CDH12: variants seen among roughly 807,000 people sequenced by gnomAD.
The protein encoded by CDH12 is cadherin 12, also known as cadherin-12.
CDH12 carries 41 observed loss-of-function variants against 74.1 expected under a neutral mutation model. That is an observed-to-expected ratio of 0.55 (90% CI 0.43 to 0.72). CDH12 has a LOEUF of 0.72. CDH12 is among the 30% of genes least tolerant of loss of function. CDH12 has a pLI of 0.00. For missense variants in CDH12, 945 were observed against 977.2 expected, an observed-to-expected ratio of 0.97 and a Z score of 0.44; for synonymous variants, 399 against 355.0, an observed-to-expected ratio of 1.12 and a Z score of -1.39.
chr5:22,152,907 T>C (rs1354058306), intron 4 of CDH12, among the ~76,000 whole-genome samples: 1 of 152,192 alleles, frequency 6.6e-6, no homozygotes, highest in Non-Finnish European at 1.5e-5. Context: ...CGTAACGTCC[T>C]CTAGGTTCAT....
chr5:22,453,971 A>C (rs1486314567), intron 2 of CDH12, among the ~76,000 whole-genome samples: 2 of 152,192 alleles, frequency 1.3e-5, no homozygotes, highest in Admixed American at 1.3e-4. Context: ...TAACCAAAAC[A>C]TGGAAGATAT....
chr5:21,983,383 A>C (rs950041621), intron 5 of CDH12, among the ~76,000 whole-genome samples: 2 of 152,074 alleles, frequency 1.3e-5, no homozygotes, highest in Non-Finnish European at 2.9e-5. Flanking sequence ...TTGTTGGTAA[A>C]GAGCCTCTTT....
intron 4 of CDH12, among the ~76,000 whole-genome samples, chr5:22,132,750 G>A (rs1445870007): frequency 6.6e-6 from 1 of 152,054 alleles, no homozygotes; most frequent in Admixed American, 6.6e-5. Flanking sequence ...CAAAAAGAGA[G>A]ACCACTGAAG....
chr5:22,016,066 G>T (rs1375828187), intron 5 of CDH12, among the ~76,000 whole-genome samples: 1 of 151,958 alleles, frequency 6.6e-6, no homozygotes, highest in African/African-American at 2.4e-5. Context: ...ATTAAGATAT[G>T]GCTATTGGCT....
chr5:22,725,940 C>T (rs942502385), intron 1 of CDH12, among the ~76,000 whole-genome samples: 3 of 151,548 alleles, frequency 2.0e-5, no homozygotes, highest in Non-Finnish European at 4.4e-5. Context: ...TTTCAAGCAG[C>T]TTTAGTTTTA....
chr5:22,294,133 A>G (rs1737523540), intron 3 of CDH12, among the ~76,000 whole-genome samples: 2 of 152,192 alleles, frequency 1.3e-5, no homozygotes, highest in Non-Finnish European at 2.9e-5. Context: ...AAACTAAAAA[A>G]TTAAATTGAA....
At chr5:22,111,712 G>C (rs987865824) in intron 4 of CDH12, among the ~76,000 whole-genome samples, 6 of 152,158 alleles carry the variant, frequency 3.9e-5, no homozygotes, top group African/African-American at 1.4e-4. Flanking sequence ...TTATGTGGAA[G>C]AGACACTTTC....
intron 3 of CDH12, among the ~76,000 whole-genome samples, chr5:22,326,829 A>G (rs1039757608): frequency 6.6e-6 from 1 of 152,196 alleles, no homozygotes; most frequent in African/African-American, 2.4e-5. Flanking sequence ...CAAAATATCC[A>G]AAAGGCAGTG....
At chr5:22,019,835 T>C (rs1489683187) in intron 5 of CDH12, among the ~76,000 whole-genome samples, 2 of 152,126 alleles carry the variant, frequency 1.3e-5, no homozygotes, top group African/African-American at 4.8e-5. Context: ...AGCTCACTGA[T>C]GAGAGGAATT....
At chr5:22,289,622 C>T (rs1310089948) in intron 3 of CDH12, among the ~76,000 whole-genome samples, 1 of 152,066 alleles carries the variant, frequency 6.6e-6, no homozygotes, top group Non-Finnish European at 1.5e-5. Flanking sequence ...AGTGGGAGAT[C>T]ACAGTACCTG....
chr5:22,803,621 C>T (rs181941574), intron 1 of CDH12, among the ~76,000 whole-genome samples: 160 of 152,248 alleles, frequency 1.1e-3, no homozygotes, highest in African/African-American at 3.6e-3. Context: ...GATGTTCTCT[C>T]GTTTAGCATC....
In CDH12 at chr5:22,622,415, A is replaced by C. The variant is rs566881446; in HGVS notation, c.-522-117051T>G. 2.0e-5 allele frequency among the ~76,000 whole-genome samples: 3 copies of C among 152,268 alleles called. No homozygotes were observed. The South Asian group carries it at 6.2e-4, about 32-fold the overall frequency. On this transcript the variant is annotated intron_variant, in intron 1 of 14. Coordinates refer to ENST00000382254, the MANE Select transcript of CDH12 (RefSeq NM_004061.5). ...GGAAGCTGGGAACCCTGCACAGGGC[A>C]GCAAAACACTGGGACCTGCTCCTGA... is the stretch of plus-strand genomic sequence containing the variant.
chr5:22,143,943 T>A (rs1243048352), intron 4 of CDH12: 1 of 152,134 alleles, frequency 6.6e-6, no homozygotes, highest in Non-Finnish European at 1.5e-5. Flanking sequence ...CAAGTCATAC[T>A]GCCACTTAAA....
chr5:21,773,590 C>G (rs1005617942), intron 11 of CDH12, among the ~76,000 whole-genome samples: 1 of 152,126 alleles, frequency 6.6e-6, no homozygotes, highest in Non-Finnish European at 1.5e-5. Flanking sequence ...TATTGCCTTC[C>G]CTATTTTTGA....
intron 1 of CDH12, among the ~76,000 whole-genome samples, chr5:22,801,641 A>T (rs1748521627): frequency 1.6e-4 from 1 of 6,282 alleles, no homozygotes; most frequent in Non-Finnish European, 3.2e-4. Flanking sequence ...CTTATCATAT[A>T]TATATATATA....
intron 1 of CDH12, among the ~76,000 whole-genome samples, chr5:22,778,222 G>T (rs2126336793): frequency 6.6e-6 from 1 of 152,304 alleles, no homozygotes; most frequent in South Asian, 2.1e-4. Flanking sequence ...TGTTGATGAT[G>T]ATTAATGTAG....
intron 6 of CDH12, among the ~76,000 whole-genome samples, chr5:21,881,514 G>A (rs1268793670): frequency 2.0e-5 from 3 of 152,304 alleles, no homozygotes; most frequent in Admixed American, 1.3e-4. Context: ...CACCTCCAGG[G>A]AACAGAGAAG....
intron 1 of CDH12, among the ~76,000 whole-genome samples, chr5:22,596,634 T>G (rs1025671772): frequency 2.0e-5 from 3 of 152,210 alleles, no homozygotes; most frequent in African/African-American, 7.2e-5. Flanking sequence ...CAGGGAAGTG[T>G]GATTCATTGC....
chr5:21,821,055 T>C (rs1467577231), intron 8 of CDH12, among the ~76,000 whole-genome samples: 1 of 151,998 alleles, frequency 6.6e-6, no homozygotes, highest in Non-Finnish European at 1.5e-5. Context: ...ATTATAATGA[T>C]CATATTCTTA....
Sources: gnomAD v4.1 joint callset for allele counts (sites outside exome capture counted in the v4.1 genomes callset) on GRCh38, gnomAD v4.1.1 for gene constraint, MANE v1.5 for transcripts, NCBI Gene and HGNC (gene_info 2026-07-23, HGNC 2026-07-21) for gene names.